Variants in MYO5A observed in about 807,000 individuals in gnomAD.
MYO5A encodes the protein myosin VA, also known as unconventional myosin-Va.
Under a neutral mutation model 249.7 loss-of-function variants are expected in MYO5A, and 98 were observed. The observed-to-expected ratio is 0.39, with a 90% CI of 0.33 to 0.46. The LOEUF is 0.46. Ranked by LOEUF, MYO5A falls within the 20% of genes least tolerant of loss-of-function variation. The probability of loss-of-function intolerance (pLI) is 0.98; values close to 1 mark genes in which losing one functional copy is unlikely to be tolerated. For synonymous variants in MYO5A, 778 were observed against 810.6 expected, an observed-to-expected ratio of 0.96 and a Z score of 0.68; for missense variants, 1,696 against 2,308.8, an observed-to-expected ratio of 0.73 and a Z score of 5.44.
chr15:52,420,389 G>C (rs2043730108), intron 4 of MYO5A, among the ~76,000 whole-genome samples: 2 of 151,260 alleles, frequency 1.3e-5, no homozygotes, highest in Admixed American at 1.3e-4. Context: ...AAGTGGGTTA[G>C]TTACTGCAGT....
intron 16 of MYO5A, among the ~76,000 whole-genome samples, chr15:52,381,392 G>A (rs913258837): frequency 3.9e-5 from 6 of 152,142 alleles, no homozygotes; most frequent in Non-Finnish European, 5.9e-5. Context: ...GGACTGGCAC[G>A]GGGGTAGGGA....
chr15:52,433,170 C>T lies in MYO5A; in HGVS notation c.138+5G>A, dbSNP rs1422786498. The T allele has an allele frequency of 1.3e-6, 2 of 1,579,344 alleles. No homozygotes were observed. The highest frequency in any genetic ancestry group is 1.7e-6 in the Non-Finnish European group (2 of 1,148,560). Reference sequence around the variant, plus strand: ...CAATGACAACAAATGAAAGTGAGATCTCACCTTTCCTTCCTCGAGGTGAAG... The same window carrying T: ...CAATGACAACAAATGAAAGTGAGATTTCACCTTTCCTTCCTCGAGGTGAAG... On this transcript the variant is annotated splice_donor_5th_base_variant and intron_variant, in intron 2 of 41. Transcript: ENST00000399233.
chr15:52,518,883 A>G (rs530814970), intron 1 of MYO5A, among the ~76,000 whole-genome samples: 3 of 152,254 alleles, frequency 2.0e-5, no homozygotes, highest in Non-Finnish European at 4.4e-5. Context: ...GTAATAAAGC[A>G]AAAACAAAAA....
At chr15:52,367,166 G>T in intron 22 of MYO5A, 42 bp from the exon 23 acceptor site, 1 of 1,522,484 alleles carries the variant, frequency 6.6e-7, no homozygotes, top group Non-Finnish European at 9.1e-7. Context: ...GCAATGGACA[G>T]AGGAAGCCTG....
intron 4 of MYO5A, among the ~76,000 whole-genome samples, chr15:52,416,697 T>C (rs1384875564): frequency 6.6e-6 from 1 of 152,178 alleles, no homozygotes; most frequent in Non-Finnish European, 1.5e-5. Context: ...GTTATTCAAT[T>C]AATTGAGACA....
chr15:52,357,876 A>G (rs994228930), intron 25 of MYO5A, among the ~76,000 whole-genome samples: 1 of 152,208 alleles, frequency 6.6e-6, no homozygotes, highest in Non-Finnish European at 1.5e-5. Context: ...CTAAAAAATA[A>G]CACTAGTCTC....
intron 38 of MYO5A, among the ~76,000 whole-genome samples, chr15:52,320,628 A>C (rs1231629093): frequency 1.3e-5 from 2 of 152,220 alleles, no homozygotes; most frequent in Non-Finnish European, 2.9e-5. Flanking sequence ...CAAAGGGAAC[A>C]CTATGAGCCC....
intron 18 of MYO5A, among the ~76,000 whole-genome samples, chr15:52,377,745 A>G (rs2041497848): frequency 6.6e-6 from 1 of 151,492 alleles, no homozygotes. Context: ...TAATTTTTGT[A>G]TTTTTAGTGG....
chr15:52,487,490 G>A (rs1038066572), intron 1 of MYO5A, among the ~76,000 whole-genome samples: 3 of 151,978 alleles, frequency 2.0e-5, no homozygotes, highest in Non-Finnish European at 2.9e-5. Context: ...TTGGGAGGCC[G>A]AGGCAAGTAG....
chr15:52,366,054 G>A (rs13329500), intron 23 of MYO5A, among the ~76,000 whole-genome samples: 14,787 of 152,062 alleles, frequency 0.097, 2,241 homozygotes, highest in African/African-American at 0.33. Context: ...AGCCCCTTCA[G>A]CTAGGAGAGG....
chr15:52,323,282 T>G (rs2038419212), intron 37 of MYO5A, 73 bp downstream of exon 37: 1 of 1,346,354 alleles, frequency 7.4e-7, no homozygotes, highest in African/African-American at 1.4e-5. Context: ...AAACATTTTG[T>G]GCTTTTACAT....
intron 1 of MYO5A, among the ~76,000 whole-genome samples, chr15:52,503,596 A>ATAC (rs2077201047): frequency 2.5e-5 from 2 of 79,120 alleles, no homozygotes; most frequent in Non-Finnish European, 3.6e-5. Context: ...GTGCCATTGC[A>ATAC]CACCAGCCTG....
chr15:52,410,842 C>G (rs367811398), intron 5 of MYO5A, among the ~76,000 whole-genome samples: 3 of 152,290 alleles, frequency 2.0e-5, no homozygotes, highest in Admixed American at 2.0e-4. Flanking sequence ...TCCCAAAGTG[C>G]TGGGATTACA....
intron 1 of MYO5A, among the ~76,000 whole-genome samples, chr15:52,492,848 T>C (rs1170092348): frequency 1.3e-5 from 2 of 152,208 alleles, no homozygotes; most frequent in South Asian, 2.1e-4. Context: ...CCCGGGCACA[T>C]GGGAATTTAT....
At chr15:52,490,043 C>G (rs1290085974) in intron 1 of MYO5A, among the ~76,000 whole-genome samples, 1 of 152,072 alleles carries the variant, frequency 6.6e-6, no homozygotes. Flanking sequence ...ATTAGAATAC[C>G]TACTATCAAA....
intron 11 of MYO5A, among the ~76,000 whole-genome samples, chr15:52,395,412 C>T (rs574214969): frequency 6.0e-4 from 91 of 152,222 alleles, no homozygotes; most frequent in Non-Finnish European, 9.4e-4. Context: ...CTTGACCTCT[C>T]TCTTTACAAG....
rs770426180 is a variant in MYO5A, at chr15:52,428,429, A to G, written c.279T>C (p.Phe93=). ...ACGTATAAATAAGTTTGGAATCAAT[A>G]AAGCGGACTCTGAGATTATGGAGCA... The part of the protein sequence containing the change: ...PAVLHNLRVR[F]IDSKLIYTYC... The change falls in exon 3 of 42, where the codon TTT becomes TTC. Residue 93 remains phenylalanine (F), a synonymous_variant. Transcript: ENST00000399233. The G allele has an allele frequency of 1.2e-6, 2 of 1,614,196 alleles. No individual in the cohort carries two copies. The highest frequency in any genetic ancestry group is 1.3e-5 in the African/African-American group (1 of 75,048).
At chr15:52,322,230 C>A (rs1213342471) in intron 37 of MYO5A, among the ~76,000 whole-genome samples, 2 of 152,206 alleles carry the variant, frequency 1.3e-5, no homozygotes, top group Admixed American at 1.3e-4. Flanking sequence ...AAAGTGGGGA[C>A]TGATAGGATG....
chr15:52,485,472 A>C (rs527967823), intron 1 of MYO5A, among the ~76,000 whole-genome samples: 19 of 152,196 alleles, frequency 1.2e-4, no homozygotes, highest in Non-Finnish European at 2.5e-4. Flanking sequence ...CTCTGATTAG[A>C]TCATGAGATA....
Sources: allele counts gnomAD v4.1 joint callset (sites outside exome capture counted in the v4.1 genomes callset), GRCh38; gene constraint gnomAD v4.1.1; transcripts MANE v1.5; gene names NCBI Gene and HGNC (gene_info 2026-07-23, HGNC 2026-07-21).